FRMD4B: variants seen among roughly 807,000 people sequenced by gnomAD.
FRMD4B encodes the protein FERM domain-containing protein 4B.
FRMD4B carries 74 observed loss-of-function variants against 141.5 expected under a neutral mutation model. The ratio of observed to expected loss-of-function variants is 0.52; its 90% CI spans 0.43 to 0.63. FRMD4B has a LOEUF of 0.63. Ranked by LOEUF, FRMD4B falls within the 30% of genes least tolerant of loss-of-function variation. FRMD4B has a pLI of 0.00. For synonymous variants in FRMD4B, 506 were observed against 467.9 expected, an observed-to-expected ratio of 1.08 and a Z score of -1.05; for missense variants, 1,366 against 1,253.4, an observed-to-expected ratio of 1.09 and a Z score of -1.36.
chr3:69,208,361 G>A (rs2093044078), intron 11 of FRMD4B, among the ~76,000 whole-genome samples: 1 of 151,940 alleles, frequency 6.6e-6, no homozygotes, highest in Admixed American at 6.6e-5. Context: ...ACCACGCCTG[G>A]CCTAATTTTT....
intron 1 of FRMD4B, among the ~76,000 whole-genome samples, chr3:69,380,677 C>A (rs895934888): frequency 2.5e-4 from 38 of 152,268 alleles, no homozygotes; most frequent in African/African-American, 8.2e-4. Context: ...TATGCTACCC[C>A]CTCAGGGACA....
rs33955997 is a variant in FRMD4B at position 69,205,059 on chromosome 3, C to CAAAA, written c.877-6289_877-6286dup. Among the ~76,000 whole-genome samples, 832 of 124,424 alleles carry CAAAA rather than the reference C, an allele frequency of 6.7e-3. 18 individuals are homozygous for CAAAA. The highest frequency in any genetic ancestry group is 0.025 in the African/African-American group (787 of 31,160). The allele number at this position is 124,424 out of a possible 152,430, so 81.6% of individuals were successfully genotyped here. On this transcript the variant is annotated intron_variant, in intron 11 of 22. Transcript: ENST00000398540. ...GTATGGGTATCTGTTATGTTTTTAA[C>CAAAA]AAAAAAAAAAAAAAAGAAAAAGAGA...
chr3:69,519,551 G>A (rs1405538281), intron 1 of FRMD4B, among the ~76,000 whole-genome samples: 2 of 152,076 alleles, frequency 1.3e-5, no homozygotes, highest in Non-Finnish European at 2.9e-5. Flanking sequence ...CTTTTTGGCT[G>A]CTATCTTCTA....
At chr3:69,391,413 G>A (rs1275912460) in intron 2 of FRMD4B, among the ~76,000 whole-genome samples, 5 of 84,706 alleles carry the variant, frequency 5.9e-5, no homozygotes, top group South Asian at 3.5e-4. Context: ...CCCACCCCAC[G>A]ACAGGCCCCG....
chr3:69,179,384 G>A (rs988102008), intron 21 of FRMD4B, among the ~76,000 whole-genome samples: 1 of 152,154 alleles, frequency 6.6e-6, no homozygotes, highest in African/African-American at 2.4e-5. Flanking sequence ...TACTCTGTCT[G>A]TTCTGCCCAG....
chr3:69,239,056 C>A (rs2106687979), intron 7 of FRMD4B, among the ~76,000 whole-genome samples: 1 of 152,204 alleles, frequency 6.6e-6, no homozygotes, highest in South Asian at 2.1e-4. Flanking sequence ...ACTCTAAGGG[C>A]TTATAATAAA....
At chr3:69,360,780 T>C (rs2107462926) in intron 1 of FRMD4B, among the ~76,000 whole-genome samples, 1 of 152,338 alleles carries the variant, frequency 6.6e-6, no homozygotes, top group South Asian at 2.1e-4. Flanking sequence ...TTGGCAATAC[T>C]ATCTCATAGG....
At chr3:69,176,010 G>A (rs562960739) in intron 22 of FRMD4B, among the ~76,000 whole-genome samples, 2 of 152,114 alleles carry the variant, frequency 1.3e-5, no homozygotes, top group African/African-American at 4.8e-5. Flanking sequence ...TCGATCTCCT[G>A]ACCTCATGAT....
chr3:69,348,320 T>C (rs1703018372), intron 1 of FRMD4B, among the ~76,000 whole-genome samples: 1 of 151,974 alleles, frequency 6.6e-6, no homozygotes, highest in African/African-American at 2.4e-5. Flanking sequence ...AATAAGAGGC[T>C]CTGAAATTGA....
rs1433090551 is a variant in FRMD4B at position 69,189,972 on chromosome 3, C to A, written c.1715-20G>T. On this transcript the variant is annotated intron_variant, in intron 17 of 22. Coordinates refer to ENST00000398540, the MANE Select transcript of FRMD4B (RefSeq NM_015123.3). ...TGTCTTCTGTGAATAAAAATAACTGCCTTTAGTACAATTGTGCATTTATAC... is the reference window on the plus strand; with the variant it reads ...TGTCTTCTGTGAATAAAAATAACTGACTTTAGTACAATTGTGCATTTATAC... The A allele has an allele frequency of 6.8e-7, 1 of 1,474,788 alleles. No homozygotes were observed. Among genetic ancestry groups the A allele is most frequent in the Non-Finnish European group, 9.5e-7 (1 of 1,055,038 alleles). 91.4% of individuals were successfully genotyped at this position (1,474,788 alleles called of 1,614,324 possible). A position where few individuals can be genotyped will look rare whatever the true frequency, so the allele number is the denominator to read the frequency against.
At chr3:69,483,967 T>A (rs780162913) in intron 1 of FRMD4B, among the ~76,000 whole-genome samples, 2 of 152,202 alleles carry the variant, frequency 1.3e-5, no homozygotes. Context: ...ATAAAATACA[T>A]CTTAGCTTGC....
chr3:69,454,140 A>G (rs1431000906), intron 1 of FRMD4B, among the ~76,000 whole-genome samples: 2 of 152,200 alleles, frequency 1.3e-5, no homozygotes, highest in Non-Finnish European at 2.9e-5. Flanking sequence ...AACAATGAAG[A>G]AGGAGGAATT....
At chr3:69,227,687 G>A (rs2093268066) in intron 7 of FRMD4B, among the ~76,000 whole-genome samples, 1 of 150,934 alleles carries the variant, frequency 6.6e-6, no homozygotes, top group Non-Finnish European at 1.5e-5. Flanking sequence ...AAAAGAAAAA[G>A]AAAGAAAGAA....
At chr3:69,237,593 T>C (rs1457550985) in intron 7 of FRMD4B, among the ~76,000 whole-genome samples, 1 of 151,934 alleles carries the variant, frequency 6.6e-6, no homozygotes, top group Non-Finnish European at 1.5e-5. Flanking sequence ...CATGCATTTC[T>C]AGGCTTCATG....
chr3:69,531,009 G>C (rs1701001906), intron 1 of FRMD4B, among the ~76,000 whole-genome samples: 1 of 152,270 alleles, frequency 6.6e-6, no homozygotes, highest in African/African-American at 2.4e-5. Flanking sequence ...AGTATAACTG[G>C]CAACAGGCAT....
At chr3:69,421,250 C>T (rs1196306057) in intron 2 of FRMD4B, among the ~76,000 whole-genome samples, 1 of 152,214 alleles carries the variant, frequency 6.6e-6, no homozygotes, top group Non-Finnish European at 1.5e-5. Flanking sequence ...AATTCTGGTG[C>T]CAGCTCTAGT....
intron 7 of FRMD4B, among the ~76,000 whole-genome samples, chr3:69,231,569 T>A (rs1042858006): frequency 2.0e-5 from 3 of 152,256 alleles, no homozygotes; most frequent in African/African-American, 7.2e-5. Flanking sequence ...ATTACAGGCG[T>A]AAGCCACTGT....
At chr3:69,185,064 G>A (rs1264985320) in intron 19 of FRMD4B, among the ~76,000 whole-genome samples, 1 of 152,144 alleles carries the variant, frequency 6.6e-6, no homozygotes, top group African/African-American at 2.4e-5. Flanking sequence ...AGCACTTTGG[G>A]AGGCCGAGGT....
At chr3:69,449,240 T>A (rs983339483) in intron 1 of FRMD4B, among the ~76,000 whole-genome samples, 43 of 152,316 alleles carry the variant, frequency 2.8e-4, no homozygotes, top group African/African-American at 1.0e-3. Context: ...AAGTTTAGAC[T>A]AGATAACCAA....
Sources: allele counts gnomAD v4.1 joint callset (sites outside exome capture counted in the v4.1 genomes callset), GRCh38; gene constraint gnomAD v4.1.1; transcripts MANE v1.5; gene names NCBI Gene and HGNC (gene_info 2026-07-23, HGNC 2026-07-21).